The following ABCA13 variants were observed in gnomAD, a reference collection of about 807,000 sequenced individuals.
ABCA13 encodes ATP-binding cassette sub-family A member 13.
ABCA13 carries 476 observed loss-of-function variants against 478.7 expected under a neutral mutation model. The ratio of observed to expected loss-of-function variants is 0.99; its 90% CI spans 0.92 to 1.07. ABCA13 has a LOEUF of 1.07. Among genes scored for constraint, ABCA13 ranks in the 50% least tolerant of loss-of-function variants. ABCA13 has a pLI of 0.00. For synonymous variants in ABCA13, 2,252 were observed against 2,158.9 expected, an observed-to-expected ratio of 1.04 and a Z score of -1.20; for missense variants, 6,060 against 5,910.6, an observed-to-expected ratio of 1.03 and a Z score of -0.83.
chr7:48,524,575 A>T, intron 54 of ABCA13, 135 bp downstream of exon 54: 2 of 763,906 alleles, frequency 2.6e-6, no homozygotes, highest in Non-Finnish European at 4.0e-6. Context: ...ATTCCTACAA[A>T]ATCAGTAGGA....
At chr7:48,418,332 A>G (rs1370105574) in intron 41 of ABCA13, among the ~76,000 whole-genome samples, 1 of 152,320 alleles carries the variant, frequency 6.6e-6, no homozygotes, top group South Asian at 2.1e-4. Flanking sequence ...GTTGTTCCAT[A>G]TTCTTGCCAA....
chr7:48,287,941 TG>T lies in ABCA13; in HGVS notation c.8837-18del. 1 of 1,594,870 alleles carries T rather than the reference TG, an allele frequency of 6.3e-7. No individual in the cohort carries two copies. Among genetic ancestry groups the T allele is most frequent in the Non-Finnish European group, 8.6e-7 (1 of 1,162,648 alleles). On this transcript the variant is annotated intron_variant, in intron 19 of 61. Coordinates refer to ENST00000435803, the MANE Select transcript of ABCA13 (RefSeq NM_152701.5). ...GAGGACTGTCTATTAATTATTTCTC[TG>T]TGTGTTTCCTCTGGCAGAAAACCCT...
chr7:48,508,235 A>C (rs879675728), intron 50 of ABCA13, among the ~76,000 whole-genome samples, 186 bp downstream of exon 50: 1 of 152,184 alleles, frequency 6.6e-6, no homozygotes, highest in Non-Finnish European at 1.5e-5. Flanking sequence ...TTGGTTCATA[A>C]GGGGAAGACT....
intron 34 of ABCA13, 43 bp downstream of exon 34, chr7:48,374,459 G>A (rs373412948): frequency 1.2e-5 from 18 of 1,542,104 alleles, no homozygotes; most frequent in Admixed American, 3.8e-5. Context: ...AGTGAATCAC[G>A]TTTTTGGAAA....
At chr7:48,209,649 C>T (rs2361517) in intron 3 of ABCA13, among the ~76,000 whole-genome samples, 6,536 of 152,130 alleles carry the variant, frequency 0.043, 220 homozygotes, top group Admixed American at 0.11. Flanking sequence ...TTGAAGAGGA[C>T]ACACAAAAAA....
chr7:48,588,400 C>T (rs1254850189), intron 57 of ABCA13, among the ~76,000 whole-genome samples: 1 of 152,208 alleles, frequency 6.6e-6, no homozygotes, highest in East Asian at 1.9e-4. Flanking sequence ...CAGCCTCTTA[C>T]AATGCATCTC....
intron 40 of ABCA13, among the ~76,000 whole-genome samples, chr7:48,411,007 C>CTTTCT (rs1818991687): frequency 9.0e-6 from 1 of 111,656 alleles, no homozygotes; most frequent in Non-Finnish European, 1.9e-5. Flanking sequence ...TTCTTTCTTT[C>CTTTCT]TTTCTTTCTT....
At chr7:48,421,080 G>A (rs955908191) in intron 41 of ABCA13, among the ~76,000 whole-genome samples, 1 of 152,182 alleles carries the variant, frequency 6.6e-6, no homozygotes, top group Non-Finnish European at 1.5e-5. Context: ...ACTGCTCCTG[G>A]CTGCCTGCTA....
chr7:48,234,470 T>A (rs1377347677), intron 8 of ABCA13, among the ~76,000 whole-genome samples: 2 of 152,120 alleles, frequency 1.3e-5, no homozygotes, highest in African/African-American at 2.4e-5. Flanking sequence ...ACAGCGCTAG[T>A]GGGGTCCAGG....
chr7:48,217,091 G>A (rs1188356786), intron 3 of ABCA13, among the ~76,000 whole-genome samples: 1 of 152,150 alleles, frequency 6.6e-6, no homozygotes, highest in Non-Finnish European at 1.5e-5. Context: ...ATTACTGGAT[G>A]TCTATCCAAA....
chr7:48,361,012 C>A (rs1310718087), intron 31 of ABCA13, among the ~76,000 whole-genome samples: 5 of 151,336 alleles, frequency 3.3e-5, no homozygotes, highest in South Asian at 2.1e-4. Flanking sequence ...GGGAGAATTG[C>A]TTGAGCCCAG....
intron 55 of ABCA13, among the ~76,000 whole-genome samples, chr7:48,539,734 AAAT>A (rs908232892): frequency 1.3e-5 from 2 of 152,180 alleles, no homozygotes; most frequent in African/African-American, 4.8e-5. Flanking sequence ...CATATACTAG[AAAT>A]AATAACTCAA....
At chr7:48,478,906 T>C (rs1049303801) in intron 45 of ABCA13, among the ~76,000 whole-genome samples, 1 of 151,902 alleles carries the variant, frequency 6.6e-6, no homozygotes, top group African/African-American at 2.4e-5. Context: ...TTACTATTTG[T>C]GTGCATGTGT....
intron 55 of ABCA13, among the ~76,000 whole-genome samples, chr7:48,568,272 A>G (rs1387840875): frequency 1.3e-5 from 2 of 152,132 alleles, no homozygotes; most frequent in Non-Finnish European, 2.9e-5. Context: ...AGGTTCATAC[A>G]ATAACTTCCT....
At chr7:48,208,071 T>A (rs1785153805) in intron 3 of ABCA13, among the ~76,000 whole-genome samples, 1 of 152,146 alleles carries the variant, frequency 6.6e-6, no homozygotes, top group Non-Finnish European at 1.5e-5. Context: ...TCATTGAATG[T>A]TCTTGGAGCC....
At chr7:48,191,464 T>C (rs886801970) in intron 1 of ABCA13, among the ~76,000 whole-genome samples, 1 of 152,218 alleles carries the variant, frequency 6.6e-6, no homozygotes, top group African/African-American at 2.4e-5. Context: ...TGCAGTGTGG[T>C]GCAGTCTCGA....
At chr7:48,394,247 C>G (rs934918546) in intron 38 of ABCA13, among the ~76,000 whole-genome samples, 1 of 152,190 alleles carries the variant, frequency 6.6e-6, no homozygotes, top group Admixed American at 6.5e-5. Context: ...CCTCAAAACC[C>G]TCCTCCTTTG....
At chr7:48,547,493 T>G (rs1784922170) in intron 55 of ABCA13, among the ~76,000 whole-genome samples, 1 of 151,918 alleles carries the variant, frequency 6.6e-6, no homozygotes, top group Non-Finnish European at 1.5e-5. Flanking sequence ...GTCGGCCCCA[T>G]GTAGATCTGT....
At position 48,531,327 on chromosome 7, in the gene ABCA13, T is replaced by C. The variant is rs542551090; in HGVS notation, c.14354+2982T>C. 2.0e-5 allele frequency among the ~76,000 whole-genome samples: 3 copies of C among 152,338 alleles called. No individual in the cohort carries two copies. The East Asian group carries it at 5.8e-4, about 29-fold the overall frequency. On this transcript the variant is annotated intron_variant, in intron 55 of 61. Coordinates refer to ENST00000435803, the MANE Select transcript of ABCA13 (RefSeq NM_152701.5). The stretch of plus-strand genomic sequence containing the variant: ...AGTATTTGGCTTTATTTCTGGGTTA[T>C]TGATTCTGTTCCATTCGTCTATGTG...
Sources: allele counts gnomAD v4.1 joint callset (sites outside exome capture counted in the v4.1 genomes callset), GRCh38; gene constraint gnomAD v4.1.1; transcripts MANE v1.5; gene names NCBI Gene and HGNC (gene_info 2026-07-23, HGNC 2026-07-21).